MCM5: variants seen among roughly 807,000 people sequenced by gnomAD.
The protein encoded by MCM5 is DNA replication licensing factor MCM5.
Under a neutral mutation model 79.9 loss-of-function variants are expected in MCM5, and 46 were observed. The ratio of observed to expected loss-of-function variants is 0.58; its 90% confidence interval spans 0.45 to 0.74. The LOEUF (loss-of-function observed/expected upper bound fraction) is 0.74, where lower values mean the gene tolerates loss of function less well. Ranked by LOEUF, MCM5 falls within the 30% of genes least tolerant of loss-of-function variation. The probability of loss-of-function intolerance (pLI) is 0.00; values close to 1 mark genes in which losing one functional copy is unlikely to be tolerated. For missense variants in MCM5, 883 were observed against 1,017.0 expected (o/e 0.87, Z 1.79); for synonymous variants, 404 against 390.5 (o/e 1.03, Z -0.41).
chr22:35,452,465 T>C, the MCM5 span, among the ~76,000 whole-genome samples: 1 of 152,174 alleles, frequency 6.6e-6, no homozygotes, highest in African/African-American at 2.4e-5. Context: ...GCCCGGCAGA[T>C]GTGTGTTGAA....
downstream of MCM5, among the ~76,000 whole-genome samples, chr22:35,428,095 A>G (rs1276228791): frequency 1.4e-5 from 2 of 147,054 alleles, no homozygotes; most frequent in East Asian, 4.1e-4. Flanking sequence ...ATCTCGGCTC[A>G]CTGCAACCTC....
chr22:35,443,876 G>A, the MCM5 span, among the ~76,000 whole-genome samples: 2 of 152,184 alleles, frequency 1.3e-5, no homozygotes, highest in African/African-American at 2.4e-5. Context: ...CGTAGACTTG[G>A]AGGGTAAGGA....
downstream of MCM5, among the ~76,000 whole-genome samples, chr22:35,426,008 C>T (rs184158312): frequency 3.3e-5 from 5 of 152,250 alleles, no homozygotes; most frequent in Admixed American, 2.6e-4. Context: ...TCCCTGACCT[C>T]GGCCTGAGTG....
At chr22:35,400,300 C>A in intron 1 of MCM5, 92 bp downstream of exon 1, 1 of 921,862 alleles carries the variant, frequency 1.1e-6, no homozygotes, top group Non-Finnish European at 1.7e-6. Flanking sequence ...TTCTCGGGAA[C>A]TGGGGTTGGA....
the MCM5 span, among the ~76,000 whole-genome samples, chr22:35,440,348 T>G: frequency 1.3e-5 from 2 of 152,336 alleles, no homozygotes; most frequent in South Asian, 4.1e-4. Context: ...CCAGCCACGT[T>G]ATTTCTCTGG....
chr22:35,439,837 T>C, the MCM5 span, among the ~76,000 whole-genome samples: 2 of 152,378 alleles, frequency 1.3e-5, no homozygotes, highest in South Asian at 4.1e-4. Flanking sequence ...AAGACTGTTG[T>C]AGAGATGCAA....
the MCM5 span, among the ~76,000 whole-genome samples, chr22:35,453,052 G>A: frequency 6.6e-6 from 1 of 152,196 alleles, no homozygotes; most frequent in Non-Finnish European, 1.5e-5. Context: ...TCAGGGGCAG[G>A]GGGAGGGTGA....
At chr22:35,447,318 C>T in the MCM5 span, among the ~76,000 whole-genome samples, 7 of 152,192 alleles carry the variant, frequency 4.6e-5, no homozygotes, top group Admixed American at 3.9e-4. Flanking sequence ...CTGCTGCCTG[C>T]ACAAGAGCCC....
At chr22:35,413,323 C>T (rs921462641) in intron 8 of MCM5, among the ~76,000 whole-genome samples, 1 of 152,222 alleles carries the variant, frequency 6.6e-6, no homozygotes, top group South Asian at 2.1e-4. Context: ...GGATTACAGG[C>T]GTGAGCCACC....
At chr22:35,407,540 C>T (rs1461009941) in intron 5 of MCM5, among the ~76,000 whole-genome samples, 1 of 152,192 alleles carries the variant, frequency 6.6e-6, no homozygotes, top group Non-Finnish European at 1.5e-5. Context: ...GCCTCACTGC[C>T]TCCTTCCTGT....
At chr22:35,408,598 A>G in intron 6 of MCM5, 35 bp downstream of exon 6, 1 of 1,587,812 alleles carries the variant, frequency 6.3e-7, no homozygotes, top group Non-Finnish European at 8.6e-7. Context: ...GGCATCTACG[A>G]CGGTGGATGT....
chr22:35,436,164 CAAAAAAAA>C, the MCM5 span, among the ~76,000 whole-genome samples: 7 of 61,056 alleles, frequency 1.1e-4, no homozygotes, highest in South Asian at 6.1e-4. Flanking sequence ...AACTCAGTCT[CAAAAAAAA>C]AAAAAAAAAA....
intron 5 of MCM5, among the ~76,000 whole-genome samples, chr22:35,406,967 C>A (rs966044222): frequency 3.3e-5 from 5 of 152,118 alleles, no homozygotes; most frequent in African/African-American, 1.2e-4. Context: ...TTGTAGGGAA[C>A]CCAGGGTTGG....
At chr22:35,406,434 G>A in intron 4 of MCM5, 119 bp from the exon 5 acceptor site, 1 of 863,468 alleles carries the variant, frequency 1.2e-6, no homozygotes. Context: ...AAGAGCTGTG[G>A]CCCTCCCTGC....
chr22:35,443,685 T>C, the MCM5 span, among the ~76,000 whole-genome samples: 3 of 152,306 alleles, frequency 2.0e-5, no homozygotes, highest in African/African-American at 7.2e-5. Context: ...TGGTAACAGT[T>C]CCTCCACTTC....
chr22:35,430,208 C>T (rs937079887), downstream of MCM5, among the ~76,000 whole-genome samples: 22 of 152,200 alleles, frequency 1.4e-4, no homozygotes, highest in Non-Finnish European at 2.9e-5. Context: ...AGTCCATGGC[C>T]TGAGTGTGAC....
chr22:35,433,811 C>T, the MCM5 span, among the ~76,000 whole-genome samples: 82,696 of 152,000 alleles, frequency 0.54, 24,533 homozygotes, highest in Non-Finnish European at 0.66. Context: ...GGCACTGGGC[C>T]GGGGACTGGA....
Position 35,413,994 on chromosome 22 carries a change from G to T in MCM5, c.1203+8G>T, listed in dbSNP as rs1198460745. 1.3e-6 allele frequency: 2 copies of T among 1,598,348 alleles called. No individual in the cohort carries two copies. The highest frequency in any genetic ancestry group is 1.3e-5 in the African/African-American group (1 of 74,590). ...AAGTGTTCTCCCATTGGGGTGAGTG[G>T]CCTGGGATACCTTTGCCACCTTGGC... On this transcript the variant is annotated splice_region_variant and intron_variant, in intron 9 of 16. Coordinates refer to ENST00000216122, the MANE Select transcript of MCM5 (RefSeq NM_006739.4).
the MCM5 span, among the ~76,000 whole-genome samples, chr22:35,447,320 C>T: frequency 6.6e-6 from 1 of 152,154 alleles, no homozygotes; most frequent in South Asian, 2.1e-4. Context: ...GCTGCCTGCA[C>T]AAGAGCCCCT....
Sources: gnomAD v4.1 joint callset for allele counts (sites outside exome capture counted in the v4.1 genomes callset) on GRCh38, gnomAD v4.1.1 for gene constraint, MANE v1.5 for transcripts, NCBI Gene and HGNC (gene_info 2026-07-23, HGNC 2026-07-21) for gene names.